The following MACROD2 variants were observed in gnomAD, a reference collection of about 807,000 sequenced individuals.
The protein encoded by MACROD2 is ADP-ribose glycohydrolase MACROD2.
MACROD2 carries 36 observed loss-of-function variants against 70.4 expected under a neutral mutation model. That is an observed-to-expected ratio of 0.51 (90% CI 0.39 to 0.68). MACROD2 has a LOEUF of 0.68. Among genes scored for constraint, MACROD2 ranks in the 30% least tolerant of loss-of-function variants. MACROD2 has a pLI of 0.00. For missense variants in MACROD2, 496 were observed against 538.4 expected, an observed-to-expected ratio of 0.92 and a Z score of 0.78; for synonymous variants, 172 against 178.8, an observed-to-expected ratio of 0.96 and a Z score of 0.30.
intron 5 of MACROD2, among the ~76,000 whole-genome samples, chr20:15,145,673 C>A (rs991619262): frequency 1.3e-5 from 2 of 152,040 alleles, no homozygotes; most frequent in Non-Finnish European, 2.9e-5. Flanking sequence ...TGGGAGTAAC[C>A]ATTACCACGA....
chr20:15,959,815 A>T (rs2066033838), intron 12 of MACROD2, among the ~76,000 whole-genome samples: 1 of 152,160 alleles, frequency 6.6e-6, no homozygotes, highest in African/African-American at 2.4e-5. Flanking sequence ...TACAAGCATG[A>T]GCCACCATGC....
chr20:15,461,598 GATAATAAT>G (rs1228146870), intron 7 of MACROD2, among the ~76,000 whole-genome samples: 1 of 152,108 alleles, frequency 6.6e-6, no homozygotes, highest in African/African-American at 2.4e-5. Context: ...TTAATACAAG[GATAATAAT>G]ACCTACTTTA....
At chr20:15,178,734 C>T (rs981704019) in intron 5 of MACROD2, among the ~76,000 whole-genome samples, 1 of 152,196 alleles carries the variant, frequency 6.6e-6, no homozygotes, top group African/African-American at 2.4e-5. Flanking sequence ...ATGTGCATGG[C>T]AGAATAAAAT....
At chr20:15,228,551 G>A (rs1373109417) in intron 5 of MACROD2, among the ~76,000 whole-genome samples, 6 of 144,202 alleles carry the variant, frequency 4.2e-5, no homozygotes, top group Non-Finnish European at 1.5e-5. Flanking sequence ...GTGCAGCGGT[G>A]CAATCTCGGC....
intron 4 of MACROD2, among the ~76,000 whole-genome samples, chr20:14,587,783 T>C (rs187019441): frequency 6.6e-6 from 1 of 152,078 alleles, no homozygotes; most frequent in African/African-American, 2.4e-5. Context: ...AATCTTTTGA[T>C]GTGTTGCTAT....
At chr20:15,526,499 A>G (rs1014109955) in intron 8 of MACROD2, among the ~76,000 whole-genome samples, 1 of 152,190 alleles carries the variant, frequency 6.6e-6, no homozygotes, top group Non-Finnish European at 1.5e-5. Flanking sequence ...AGTCATTAAC[A>G]TTGGAGGAGA....
intron 10 of MACROD2, among the ~76,000 whole-genome samples, chr20:15,909,725 GT>G (rs1054809724): frequency 1.7e-4 from 26 of 151,646 alleles, no homozygotes; most frequent in Non-Finnish European, 2.7e-4. Context: ...GGGTTTCACC[GT>G]TTTAGCCGGG....
chr20:14,207,254 C>T lies in MACROD2; in HGVS notation c.271+121526C>T, dbSNP rs555625011. On this transcript the variant is annotated intron_variant, in intron 3 of 17. Transcript: ENST00000684519. ...CTGGGATTACAGGCACATGCCCCTA[C>T]GCCCAGCTAATTTTTGTGGTTTTTT... Among the ~76,000 whole-genome samples, 249 of 152,118 alleles carry T rather than the reference C, an allele frequency of 1.6e-3. 4 individuals carry two copies. The highest frequency in any genetic ancestry group is 5.6e-3 in the African/African-American group (232 of 41,526).
chr20:15,069,957 G>C (rs2075606646), intron 5 of MACROD2, among the ~76,000 whole-genome samples: 1 of 152,178 alleles, frequency 6.6e-6, no homozygotes, highest in Non-Finnish European at 1.5e-5. Flanking sequence ...GAGAATGGTA[G>C]AGTCACCAGC....
chr20:14,062,982 G>A (rs2053707405), intron 2 of MACROD2, among the ~76,000 whole-genome samples: 1 of 152,104 alleles, frequency 6.6e-6, no homozygotes, highest in Non-Finnish European at 1.5e-5. Flanking sequence ...AGCCCTACTG[G>A]TGAAACTGTA....
At chr20:14,835,181 T>C (rs2073015694) in intron 5 of MACROD2, among the ~76,000 whole-genome samples, 1 of 152,082 alleles carries the variant, frequency 6.6e-6, no homozygotes, top group Non-Finnish European at 1.5e-5. Context: ...TTGTTACTTT[T>C]TGTTTATTAC....
chr20:14,507,545 T>C (rs2084982995), intron 4 of MACROD2, among the ~76,000 whole-genome samples: 1 of 152,178 alleles, frequency 6.6e-6, no homozygotes, highest in South Asian at 2.1e-4. Flanking sequence ...TATATATATA[T>C]ACATATTTAC....
At chr20:14,889,513 T>C (rs950876598) in intron 5 of MACROD2, among the ~76,000 whole-genome samples, 7 of 152,090 alleles carry the variant, frequency 4.6e-5, no homozygotes, top group African/African-American at 1.4e-4. Context: ...AAGAAGAGAT[T>C]TTAGCAATGA....
chr20:15,917,456 G>A (rs2065336241), intron 10 of MACROD2, among the ~76,000 whole-genome samples: 1 of 152,154 alleles, frequency 6.6e-6, no homozygotes, highest in Non-Finnish European at 1.5e-5. Context: ...AAAATGTGAG[G>A]ACTGCCAGTA....
intron 6 of MACROD2, among the ~76,000 whole-genome samples, chr20:15,235,152 C>A (rs187135659): frequency 7.9e-5 from 12 of 151,916 alleles, no homozygotes; most frequent in African/African-American, 2.7e-4. Context: ...TGAATGACAA[C>A]GTGTAATAGA....
At chr20:15,086,246 G>T (rs185443504) in intron 5 of MACROD2, among the ~76,000 whole-genome samples, 5 of 152,094 alleles carry the variant, frequency 3.3e-5, no homozygotes, top group Non-Finnish European at 5.9e-5. Flanking sequence ...ATTGCATTTC[G>T]TGGCTAACTT....
At chr20:14,954,606 A>G (rs1264787451) in intron 5 of MACROD2, among the ~76,000 whole-genome samples, 2 of 131,714 alleles carry the variant, frequency 1.5e-5, no homozygotes, top group Non-Finnish European at 1.6e-5. Context: ...ATAATTATAT[A>G]GTTATTATAT....
At chr20:15,957,273 C>T (rs1284058424) in intron 12 of MACROD2, among the ~76,000 whole-genome samples, 2 of 152,044 alleles carry the variant, frequency 1.3e-5, no homozygotes, top group Non-Finnish European at 1.5e-5. Flanking sequence ...GAATTTTGTA[C>T]TTTAGGTATG....
At chr20:14,798,068 G>A (rs1269420970) in intron 5 of MACROD2, among the ~76,000 whole-genome samples, 1 of 152,016 alleles carries the variant, frequency 6.6e-6, no homozygotes, top group Non-Finnish European at 1.5e-5. Context: ...AGATTGAGGT[G>A]TAATTAATAA....
Sources: gnomAD v4.1 joint callset for allele counts (sites outside exome capture counted in the v4.1 genomes callset) on GRCh38, gnomAD v4.1.1 for gene constraint, MANE v1.5 for transcripts, NCBI Gene and HGNC (gene_info 2026-07-23, HGNC 2026-07-21) for gene names.